Variants in ADGRL3 observed in about 807,000 individuals in gnomAD.
ADGRL3 encodes calcium-independent alpha-latrotoxin receptor 3.
Under a neutral mutation model 153.5 loss-of-function variants are expected in ADGRL3, and 62 were observed. That is an observed-to-expected ratio of 0.40 (90% CI 0.33 to 0.50). The LOEUF is 0.50. Ranked by LOEUF, ADGRL3 falls within the 20% of genes least tolerant of loss-of-function variation. ADGRL3 has a pLI of 0.47. For synonymous variants in ADGRL3, 710 were observed against 672.5 expected, an observed-to-expected ratio of 1.06 and a Z score of -0.86; for missense variants, 1,641 against 1,859.4, an observed-to-expected ratio of 0.88 and a Z score of 2.16.
chr4:61,531,559 C>T (rs907411858), intron 4 of ADGRL3, among the ~76,000 whole-genome samples: 5 of 152,142 alleles, frequency 3.3e-5, no homozygotes, highest in Admixed American at 3.3e-4. Context: ...CTTCCGCAAG[C>T]ATTTACTATG....
chr4:61,784,810 A>G (rs1450862694), intron 8 of ADGRL3, among the ~76,000 whole-genome samples: 1 of 152,112 alleles, frequency 6.6e-6, no homozygotes, highest in African/African-American at 2.4e-5. Context: ...AGGTTGAAAG[A>G]TGAGGGTATT....
intron 25 of ADGRL3, among the ~76,000 whole-genome samples, chr4:62,060,751 G>A (rs1207603126): frequency 6.6e-6 from 1 of 151,656 alleles, no homozygotes; most frequent in East Asian, 1.9e-4. Context: ...GCACCATGAT[G>A]AACTCTTTTT....
intron 25 of ADGRL3, among the ~76,000 whole-genome samples, chr4:62,045,860 G>A (rs1034307452): frequency 3.3e-5 from 5 of 151,912 alleles, no homozygotes; most frequent in Non-Finnish European, 5.9e-5. Flanking sequence ...ATTTTGTTTC[G>A]TTATTAGTTT....
intron 1 of ADGRL3, among the ~76,000 whole-genome samples, chr4:61,218,123 T>C (rs1743713901): frequency 6.6e-6 from 1 of 152,184 alleles, no homozygotes; most frequent in Non-Finnish European, 1.5e-5. Context: ...ACTAATAAAA[T>C]AATAGTGAAG....
chr4:61,342,595 C>T (rs543455551), intron 1 of ADGRL3, among the ~76,000 whole-genome samples: 2 of 152,110 alleles, frequency 1.3e-5, no homozygotes, highest in East Asian at 1.9e-4. Flanking sequence ...TTTGACAAGC[C>T]GTGCTCTTTT....
intron 8 of ADGRL3, among the ~76,000 whole-genome samples, chr4:61,752,637 T>C (rs1197700671): frequency 6.6e-6 from 1 of 151,970 alleles, no homozygotes; most frequent in Admixed American, 6.6e-5. Context: ...GAGGTTATAA[T>C]ATTCAGTATG....
At chr4:62,066,066 T>C (rs1742839832) in intron 25 of ADGRL3, among the ~76,000 whole-genome samples, 1 of 152,092 alleles carries the variant, frequency 6.6e-6, no homozygotes, top group Non-Finnish European at 1.5e-5. Context: ...GAAGTTGAAT[T>C]GTACACTATT....
intron 1 of ADGRL3, among the ~76,000 whole-genome samples, chr4:61,252,009 G>A (rs75662210): frequency 2.0e-5 from 3 of 151,198 alleles, no homozygotes; most frequent in African/African-American, 4.9e-5. Flanking sequence ...TCAGCCTCCC[G>A]AGTGGCTGGG....
At chr4:61,203,106 T>A (rs879604323) in intron 1 of ADGRL3, among the ~76,000 whole-genome samples, 24 of 152,176 alleles carry the variant, frequency 1.6e-4, no homozygotes, top group Non-Finnish European at 3.2e-4. Context: ...ATGGCCCTGA[T>A]GAGAACCTCA....
chr4:61,414,793 T>C (rs909804686), intron 2 of ADGRL3, among the ~76,000 whole-genome samples: 7 of 152,012 alleles, frequency 4.6e-5, no homozygotes, highest in African/African-American at 1.7e-4. Flanking sequence ...TCATCTAAAG[T>C]GGTTTTTCAT....
At chr4:61,766,767 C>T (rs144729981) in intron 8 of ADGRL3, among the ~76,000 whole-genome samples, 81,551 of 149,646 alleles carry the variant, frequency 0.54, 23,617 homozygotes, top group East Asian at 0.8. Context: ...AAAGGAATAG[C>T]AAAGAAAGCA....
At chr4:62,051,775 A>C (rs77917347) in intron 25 of ADGRL3, among the ~76,000 whole-genome samples, 4,003 of 151,876 alleles carry the variant, frequency 0.026, 185 homozygotes, top group African/African-American at 0.093. Context: ...TCTTACCTCT[A>C]TTGTGAATCA....
intron 1 of ADGRL3, among the ~76,000 whole-genome samples, chr4:61,376,126 T>C (rs1278119443): frequency 6.6e-6 from 1 of 152,172 alleles, no homozygotes; most frequent in African/African-American, 2.4e-5. Context: ...TGAACTGTTT[T>C]GTCATAGAAT....
chr4:61,369,207 T>G (rs2096469881), intron 1 of ADGRL3, among the ~76,000 whole-genome samples: 1 of 152,208 alleles, frequency 6.6e-6, no homozygotes, highest in Non-Finnish European at 1.5e-5. Flanking sequence ...TTCTCCTAAT[T>G]GAATACCCTT....
chr4:62,060,157 A>G (rs548190554), intron 25 of ADGRL3, among the ~76,000 whole-genome samples: 1 of 152,084 alleles, frequency 6.6e-6, no homozygotes, highest in Admixed American at 6.6e-5. Context: ...TTCCCAGTCA[A>G]CTGTTCCTTA....
intron 19 of ADGRL3, among the ~76,000 whole-genome samples, chr4:61,983,940 G>C (rs2099076917): frequency 6.6e-6 from 1 of 152,174 alleles, no homozygotes; most frequent in African/African-American, 2.4e-5. Flanking sequence ...ATAGGATGGT[G>C]CAGTCCCTGA....
At chr4:61,407,781 A>T (rs2097022443) in intron 2 of ADGRL3, among the ~76,000 whole-genome samples, 1 of 152,166 alleles carries the variant, frequency 6.6e-6, no homozygotes, top group Non-Finnish European at 1.5e-5. Context: ...CTATAAAAAC[A>T]CTTTTGGCTT....
At chr4:61,701,430 A>ATTTTTTTTTTT in intron 6 of ADGRL3, among the ~76,000 whole-genome samples, 1 of 105,418 alleles carries the variant, frequency 9.5e-6, no homozygotes, top group Non-Finnish European at 1.8e-5. Flanking sequence ...TAAAGGTACA[A>ATTTTTTTTTTT]TTTTTTTTTT....
At chr4:61,350,824 A>G (rs2096030471) in intron 1 of ADGRL3, among the ~76,000 whole-genome samples, 1 of 152,082 alleles carries the variant, frequency 6.6e-6, no homozygotes, top group Non-Finnish European at 1.5e-5. Context: ...GTTTTGTGTC[A>G]TCTGTCTCCC....
Sources: allele counts gnomAD v4.1 joint callset (sites outside exome capture counted in the v4.1 genomes callset), GRCh38; gene constraint gnomAD v4.1.1; transcripts MANE v1.5; gene names NCBI Gene and HGNC (gene_info 2026-07-23, HGNC 2026-07-21).